RGS5: variants seen among roughly 807,000 people sequenced by gnomAD.
RGS5 encodes the protein regulator of G protein signaling 5.
RGS5 carries 20 observed loss-of-function variants against 18.9 expected under a neutral mutation model. That is an observed-to-expected ratio of 1.06 (90% CI 0.74 to 1.54). The LOEUF (loss-of-function observed/expected upper bound fraction) is 1.54, where lower values mean the gene tolerates loss of function less well. RGS5 is among the 40% of genes most tolerant of loss of function. The pLI is 0.00. For missense variants in RGS5, 201 were observed against 211.8 expected (o/e 0.95, Z 0.32); for synonymous variants, 57 against 76.2 (o/e 0.75, Z 1.31).
At chr1:163,186,531 A>G (rs1305689639) in intron 1 of RGS5, among the ~76,000 whole-genome samples, 3 of 143,546 alleles carry the variant, frequency 2.1e-5, no homozygotes, top group Non-Finnish European at 4.5e-5. Flanking sequence ...GTGAGCCGAG[A>G]TCACACCACT....
chr1:163,169,611 CA>C (rs1265981709), intron 1 of RGS5, among the ~76,000 whole-genome samples: 6 of 152,030 alleles, frequency 3.9e-5, no homozygotes, highest in Admixed American at 6.6e-5. Context: ...CTCTGATGGC[CA>C]GTGATGATGA....
At chr1:163,163,438 C>G (rs907117131) in intron 2 of RGS5, among the ~76,000 whole-genome samples, 2 of 151,890 alleles carry the variant, frequency 1.3e-5, no homozygotes, top group Non-Finnish European at 2.9e-5. Context: ...GTGAGCTACC[C>G]ATCCCTCTTC....
chr1:163,180,684 C>CTTTTTTTTTTTT (rs1429373041), intron 1 of RGS5, among the ~76,000 whole-genome samples: 9 of 81,894 alleles, frequency 1.1e-4, no homozygotes, highest in South Asian at 4.6e-4. Context: ...AGCCCTTACC[C>CTTTTTTTTTTTT]TGTTTTTTTT....
intron 1 of RGS5, among the ~76,000 whole-genome samples, chr1:163,193,888 A>C (rs1659457579): frequency 1.3e-5 from 2 of 152,200 alleles, no homozygotes; most frequent in Admixed American, 6.5e-5. Flanking sequence ...TCAGAAGGGC[A>C]GGAGTGGGCC....
chr1:163,239,269 A>T (rs562004590), intron 2 of RGS5: 1 of 152,206 alleles, frequency 6.6e-6, no homozygotes, highest in South Asian at 2.1e-4. Flanking sequence ...TGAGCTCAGG[A>T]GTTCGAGACC....
At chr1:163,249,193 C>T (rs911786999) in intron 2 of RGS5, among the ~76,000 whole-genome samples, 4 of 150,162 alleles carry the variant, frequency 2.7e-5, no homozygotes, top group Admixed American at 6.6e-5. Context: ...TGGAAGTATT[C>T]ACTTCAATAT....
At chr1:163,180,136 AC>A (rs1658742395) in intron 1 of RGS5, among the ~76,000 whole-genome samples, 1 of 151,828 alleles carries the variant, frequency 6.6e-6, no homozygotes, top group Non-Finnish European at 1.5e-5. Flanking sequence ...AATTCTTCTA[AC>A]TTTTGTATTA....
At chr1:163,225,132 GT>G (rs1035746614) in intron 2 of RGS5, among the ~76,000 whole-genome samples, 1 of 152,012 alleles carries the variant, frequency 6.6e-6, no homozygotes, top group African/African-American at 2.4e-5. Context: ...TTTCCCCTGT[GT>G]TTTTTTCCTC....
chr1:163,274,196 G>A (rs1179074215), intron 2 of RGS5, among the ~76,000 whole-genome samples: 1 of 152,134 alleles, frequency 6.6e-6, no homozygotes, highest in Non-Finnish European at 1.5e-5. Flanking sequence ...CTAATCAGGT[G>A]ACAGAGTGGG....
intron 1 of RGS5, among the ~76,000 whole-genome samples, chr1:163,175,395 A>C (rs911582784): frequency 6.6e-6 from 1 of 152,142 alleles, no homozygotes; most frequent in South Asian, 2.1e-4. Context: ...TTAAAACTTC[A>C]TATCAGTGGA....
intron 2 of RGS5, among the ~76,000 whole-genome samples, chr1:163,223,297 G>C (rs1452149932): frequency 6.6e-6 from 1 of 152,106 alleles, no homozygotes; most frequent in Non-Finnish European, 1.5e-5. Flanking sequence ...TCTATCCTAG[G>C]ATTCTAACAA....
intron 4 of RGS5, among the ~76,000 whole-genome samples, chr1:163,150,905 G>T (rs1440847139): frequency 6.6e-6 from 1 of 152,142 alleles, no homozygotes; most frequent in Non-Finnish European, 1.5e-5. Context: ...AGGGATATTT[G>T]GGAGTTTTTC....
intron 1 of RGS5, among the ~76,000 whole-genome samples, chr1:163,170,870 T>G (rs1370635052): frequency 1.3e-5 from 2 of 152,208 alleles, no homozygotes; most frequent in Non-Finnish European, 2.9e-5. Context: ...TTAGAATAAG[T>G]GTCGCTTTAA....
chr1:163,177,848 G>C (rs542503796), intron 1 of RGS5, among the ~76,000 whole-genome samples: 1 of 152,102 alleles, frequency 6.6e-6, no homozygotes, highest in Non-Finnish European at 1.5e-5. Context: ...ATGCTTTCTT[G>C]CCTCTGAGGG....
intron 1 of RGS5, among the ~76,000 whole-genome samples, chr1:163,193,983 CT>C (rs1381772529): frequency 6.6e-6 from 1 of 152,076 alleles, no homozygotes; most frequent in Non-Finnish European, 1.5e-5. Flanking sequence ...TCTGTGTTTA[CT>C]TTTTTATCTT....
chr1:163,312,860 G>A (rs1649907560), intron 1 of RGS5, among the ~76,000 whole-genome samples: 1 of 152,214 alleles, frequency 6.6e-6, no homozygotes, highest in Non-Finnish European at 1.5e-5. Flanking sequence ...AATTCTGGTT[G>A]ATGGCATGAT....
chr1:163,269,288 T>C (rs1239106895), intron 2 of RGS5, among the ~76,000 whole-genome samples: 1 of 152,160 alleles, frequency 6.6e-6, no homozygotes, highest in African/African-American at 2.4e-5. Context: ...CTGTATTTAT[T>C]TCTTAGCTAA....
chr1:163,277,865 T>A (rs150650397), intron 2 of RGS5, among the ~76,000 whole-genome samples: 122 of 152,128 alleles, frequency 8.0e-4, no homozygotes, highest in African/African-American at 2.7e-3. Context: ...ACTGAATAAT[T>A]CAATGAATGA....
chr1:163,144,267 G>C lies in RGS5; in HGVS notation c.*3075C>G, dbSNP rs41375748. On this transcript the variant is annotated 3_prime_UTR_variant, in exon 5 of 5. Transcript: ENST00000313961. The stretch of plus-strand genomic sequence containing the variant: ...TGGAAGATTATTCACATGCTTGAAG[G>C]CTATTCACACTGCTTTAACAAATAA... 1 of 152,062 alleles carries C rather than the reference G, an allele frequency of 6.6e-6. No individual in the cohort carries two copies. Among genetic ancestry groups the C allele is most frequent in the Non-Finnish European group, 1.5e-5 (1 of 68,000 alleles). 9.4% of individuals were successfully genotyped at this position (152,062 alleles called of 1,614,324 possible).
Sources: gnomAD v4.1 joint callset for allele counts (sites outside exome capture counted in the v4.1 genomes callset) on GRCh38, gnomAD v4.1.1 for gene constraint, MANE v1.5 for transcripts, NCBI Gene and HGNC (gene_info 2026-07-23, HGNC 2026-07-21) for gene names.